DLC1: variants seen among roughly 807,000 people sequenced by gnomAD.
DLC1 encodes rho GTPase-activating protein 7.
Under a neutral mutation model 140.3 loss-of-function variants are expected in DLC1, and 54 were observed. The observed-to-expected ratio is 0.38, with a 90% CI of 0.31 to 0.48. The LOEUF (loss-of-function observed/expected upper bound fraction) is 0.48, where lower values mean the gene tolerates loss of function less well. Among genes scored for constraint, DLC1 ranks in the 20% least tolerant of loss-of-function variants. The pLI, the probability that DLC1 is intolerant of heterozygous loss-of-function variation, is 0.96. For missense variants in DLC1, 2,536 were observed against 1,907.0 expected (o/e 1.33, Z -6.14); for synonymous variants, 986 against 728.1 (o/e 1.35, Z -5.70).
intron 5 of DLC1, among the ~76,000 whole-genome samples, chr8:13,202,576 C>T (rs1827450214): frequency 6.6e-6 from 1 of 152,162 alleles, no homozygotes; most frequent in Admixed American, 6.5e-5. Flanking sequence ...TATCTTTTCC[C>T]TCCTATTTAA....
chr8:13,118,273 C>T (rs764909762), intron 5 of DLC1, among the ~76,000 whole-genome samples: 2 of 152,054 alleles, frequency 1.3e-5, no homozygotes, highest in African/African-American at 2.4e-5. Flanking sequence ...ACTCTTAGGG[C>T]CACTTAGTTA....
At chr8:13,238,520 G>C (rs1180798784) in intron 5 of DLC1, among the ~76,000 whole-genome samples, 1 of 149,604 alleles carries the variant, frequency 6.7e-6, no homozygotes, top group Non-Finnish European at 1.5e-5. Context: ...CTCAAAAAAA[G>C]AAAGAAAGAA....
At chr8:13,397,912 C>G (rs1837120727) in intron 3 of DLC1, among the ~76,000 whole-genome samples, 1 of 151,968 alleles carries the variant, frequency 6.6e-6, no homozygotes, top group Non-Finnish European at 1.5e-5. Flanking sequence ...GTGAGCAGAT[C>G]ACGAGGTGAG....
intron 5 of DLC1, among the ~76,000 whole-genome samples, chr8:13,193,061 C>G (rs920698112): frequency 6.6e-6 from 1 of 152,192 alleles, no homozygotes; most frequent in African/African-American, 2.4e-5. Flanking sequence ...AACCATCCCC[C>G]TCCTCTCTGT....
At position 13,103,158 on chromosome 8, in the gene DLC1, A is replaced by G. The variant is rs1819243984; in HGVS notation, c.1503-305T>C. 2.6e-5 allele frequency among the ~76,000 whole-genome samples: 4 copies of G among 151,888 alleles called. No individual in the cohort carries two copies. In the South Asian group the frequency reaches 8.4e-4, roughly 32 times the overall value. On this transcript the variant is annotated intron_variant, in intron 7 of 17. Transcript: ENST00000276297. ...ACCCCGTCTCTACTAAAAATACAAAAAAACAAGCCGGGCCTGGTGGTGGGC... is the reference window on the plus strand; with the variant it reads ...ACCCCGTCTCTACTAAAAATACAAAGAAACAAGCCGGGCCTGGTGGTGGGC...
At chr8:13,506,697 A>T (rs113725117) in intron 1 of DLC1, among the ~76,000 whole-genome samples, 2 of 151,634 alleles carry the variant, frequency 1.3e-5, no homozygotes, top group East Asian at 3.9e-4. Flanking sequence ...ACACTTACAT[A>T]AAACAGCTAT....
At chr8:13,255,041 A>G (rs1045160254) in intron 5 of DLC1, among the ~76,000 whole-genome samples, 2 of 151,836 alleles carry the variant, frequency 1.3e-5, no homozygotes, top group African/African-American at 4.8e-5. Flanking sequence ...CAGTGGCGCA[A>G]TCTCGGCTCA....
At chr8:13,292,642 A>AT (rs1054322895) in intron 5 of DLC1, among the ~76,000 whole-genome samples, 1 of 152,140 alleles carries the variant, frequency 6.6e-6, no homozygotes, top group Non-Finnish European at 1.5e-5. Flanking sequence ...TTAAAAAAAA[A>AT]CACAGACATG....
chr8:13,168,241 C>T (rs373472908), intron 5 of DLC1, among the ~76,000 whole-genome samples: 7 of 152,122 alleles, frequency 4.6e-5, no homozygotes, highest in African/African-American at 1.2e-4. Context: ...AATGGCTTCC[C>T]GAGAAAGAAG....
chr8:13,507,416 T>C (rs1243349235), intron 1 of DLC1, among the ~76,000 whole-genome samples: 3 of 152,232 alleles, frequency 2.0e-5, no homozygotes, highest in Non-Finnish European at 2.9e-5. Context: ...CAACTTTCAG[T>C]AAAAAACAAT....
At chr8:13,533,855 C>T (rs916746506) in intron 1 of DLC1, among the ~76,000 whole-genome samples, 1 of 152,136 alleles carries the variant, frequency 6.6e-6, no homozygotes, top group Non-Finnish European at 1.5e-5. Flanking sequence ...GTTTTTCTTG[C>T]TCTCTCTCTT....
chr8:13,355,292 C>G (rs1450719326), intron 4 of DLC1, among the ~76,000 whole-genome samples: 1 of 152,102 alleles, frequency 6.6e-6, no homozygotes. Flanking sequence ...TTGAGACCAG[C>G]CTAGCCAATA....
chr8:13,553,203 C>CATATATATATATATATAT (rs1201746846), intron 1 of DLC1, among the ~76,000 whole-genome samples: 1 of 68,026 alleles, frequency 1.5e-5, no homozygotes, highest in Non-Finnish European at 2.8e-5. Flanking sequence ...TGCCAGCTGT[C>CATATATATATATATATAT]ATATATATAT....
At chr8:13,550,001 A>G (rs1227839599) in intron 1 of DLC1, among the ~76,000 whole-genome samples, 2 of 152,156 alleles carry the variant, frequency 1.3e-5, no homozygotes, top group Non-Finnish European at 2.9e-5. Flanking sequence ...AATTGAAGAA[A>G]TCAGTGAAGT....
At chr8:13,353,971 T>C (rs1305332582) in intron 4 of DLC1, among the ~76,000 whole-genome samples, 6 of 152,116 alleles carry the variant, frequency 3.9e-5, no homozygotes, top group African/African-American at 1.4e-4. Flanking sequence ...GGCTGATGGG[T>C]TCCTTCTGTG....
chr8:13,463,311 A>G (rs1799761511), intron 2 of DLC1, among the ~76,000 whole-genome samples: 1 of 152,108 alleles, frequency 6.6e-6, no homozygotes, highest in Non-Finnish European at 1.5e-5. Flanking sequence ...AAAGGAGAAT[A>G]ATACTTGGGT....
chr8:13,100,360 A>C lies in DLC1; in HGVS notation c.1977T>G (p.Thr659=), dbSNP rs1323099576. 9.9e-6 allele frequency: 16 copies of C among 1,614,054 alleles called. No individual in the cohort carries two copies. The highest frequency in any genetic ancestry group is 1.7e-5 in the Admixed American group (1 of 60,012). ...GCAGACTGCGCGTCTTGGACTTGGCAGTTTTTTCGTGGCCTTTCATGCTGA... is the reference window on the plus strand; with the variant it reads ...GCAGACTGCGCGTCTTGGACTTGGCCGTTTTTTCGTGGCCTTTCATGCTGA... ...FSFSMKGHEK[T]AKSKTRSLLK... The change falls in exon 9 of 18, where the codon ACT becomes ACG. Residue 659 remains threonine (T), a synonymous_variant. Coordinates refer to ENST00000276297, the MANE Select transcript of DLC1 (RefSeq NM_182643.3).
In DLC1 at chr8:13,086,272, A is replaced by G; in HGVS notation, c.4466+18T>C. The G allele has an allele frequency of 6.2e-7, 1 of 1,604,128 alleles. No homozygotes were observed. Among genetic ancestry groups the G allele is most frequent in the Admixed American group, 1.7e-5 (1 of 58,368 alleles). ...TTCATGACCCTCACCATATAAAAAAATCAGAATCAGAACATACCTTAAGTC... is the reference window on the plus strand; with the variant it reads ...TTCATGACCCTCACCATATAAAAAAGTCAGAATCAGAACATACCTTAAGTC... On this transcript the variant is annotated intron_variant, in intron 17 of 17. Coordinates refer to ENST00000276297, the MANE Select transcript of DLC1 (RefSeq NM_182643.3).
intron 5 of DLC1, among the ~76,000 whole-genome samples, chr8:13,237,739 C>G (rs1190274920): frequency 2.0e-5 from 3 of 152,084 alleles, no homozygotes; most frequent in Non-Finnish European, 4.4e-5. Flanking sequence ...CAAGCTTTTT[C>G]TATTGTTCAG....
Sources: allele counts gnomAD v4.1 joint callset (sites outside exome capture counted in the v4.1 genomes callset), GRCh38; gene constraint gnomAD v4.1.1; transcripts MANE v1.5; gene names NCBI Gene and HGNC (gene_info 2026-07-23, HGNC 2026-07-21).